SLIT2: variants seen among roughly 807,000 people sequenced by gnomAD.
SLIT2 encodes the protein slit guidance ligand 2.
In SLIT2, 41 loss-of-function variants were observed where a neutral mutation model predicts 185.7. That is an observed-to-expected ratio of 0.22 (90% CI 0.17 to 0.29). SLIT2 has a LOEUF of 0.29. Ranked by LOEUF, SLIT2 falls within the 10% of genes least tolerant of loss-of-function variation. The probability of loss-of-function intolerance (pLI) is 1.00; values close to 1 mark genes in which losing one functional copy is unlikely to be tolerated. For missense variants in SLIT2, 1,571 were observed against 1,909.0 expected, an observed-to-expected ratio of 0.82 and a Z score of 3.30; for synonymous variants, 693 against 680.2, an observed-to-expected ratio of 1.02 and a Z score of -0.29.
chr4:20,280,451 TG>T (rs1428878447), intron 4 of SLIT2, among the ~76,000 whole-genome samples: 1 of 152,140 alleles, frequency 6.6e-6, no homozygotes, highest in African/African-American at 2.4e-5. Context: ...GGCTTTTTTT[TG>T]AGGATCAGTT....
chr4:20,573,260 G>C (rs1315378397), intron 29 of SLIT2: 1 of 702,870 alleles, frequency 1.4e-6, no homozygotes, highest in South Asian at 1.5e-5. Flanking sequence ...GGTGGAAAAA[G>C]GTTAGTTGCC....
chr4:20,258,605 T>G (rs1369645091), intron 3 of SLIT2, among the ~76,000 whole-genome samples: 1 of 151,736 alleles, frequency 6.6e-6, no homozygotes, highest in Non-Finnish European at 1.5e-5. Flanking sequence ...TTAAGATACG[T>G]TTTTTACATA....
intron 22 of SLIT2, among the ~76,000 whole-genome samples, chr4:20,547,820 A>G (rs1337111643): frequency 1.3e-5 from 2 of 151,948 alleles, no homozygotes; most frequent in African/African-American, 4.8e-5. Context: ...TACAAACTAT[A>G]CATATAAGTA....
At chr4:20,466,787 G>A (rs1714403649) in intron 4 of SLIT2, among the ~76,000 whole-genome samples, 1 of 152,056 alleles carries the variant, frequency 6.6e-6, no homozygotes, top group Admixed American at 6.6e-5. Flanking sequence ...TTCTTTGTGA[G>A]CATCAGTTAT....
At position 20,322,554 on chromosome 4, in the gene SLIT2, GCTT is replaced by G. The variant is rs371833887; in HGVS notation, c.395+53677_395+53679del. ...TCATAATTTTGAGTTTTTTTCTTTT[GCTT>G]CTTTAGTCCAGCCATTTTTTCAAGT... is the stretch of plus-strand genomic sequence containing the variant. On this transcript the variant is annotated intron_variant, in intron 4 of 36. Coordinates refer to ENST00000504154, the MANE Select transcript of SLIT2 (RefSeq NM_004787.4). Among the ~76,000 whole-genome samples the G allele has an allele frequency of 3.1e-4, 47 of 151,732 alleles. No homozygotes were observed. The East Asian group carries it at 8.2e-3, about 26-fold the overall frequency.
chr4:20,294,011 G>T (rs75930227), intron 4 of SLIT2, among the ~76,000 whole-genome samples: 9,305 of 151,808 alleles, frequency 0.061, 570 homozygotes, highest in African/African-American at 0.16. Context: ...AACTGTATAT[G>T]ATGCTTCTCA....
intron 4 of SLIT2, among the ~76,000 whole-genome samples, chr4:20,457,925 G>A (rs1234869539): frequency 2.0e-5 from 3 of 152,094 alleles, no homozygotes; most frequent in East Asian, 3.9e-4. Flanking sequence ...ACACAACAGT[G>A]CTTGGTATTA....
rs554329728 is a variant in SLIT2, at chr4:20,528,258, G to A, written c.1463-691G>A. On this transcript the variant is annotated intron_variant, in intron 15 of 36. Coordinates refer to ENST00000504154, the MANE Select transcript of SLIT2 (RefSeq NM_004787.4). The surrounding 1 kb of genome is among the most constrained non-coding windows in gnomAD (Gnocchi z 4.2). The stretch of plus-strand genomic sequence containing the variant: ...CATTTTCCTCTTGGTCTTACCTTTG[G>A]CCTAGTGGTTGGTGTAGTGATAATG... The A allele has an allele frequency of 3.2e-5, 17 of 534,366 alleles. No individual in the cohort carries two copies. The East Asian group carries it at 9.3e-4, about 29-fold the overall frequency. The allele number at this position is 534,366 out of a possible 1,614,324, so 33.1% of individuals were successfully genotyped here.
At chr4:20,423,287 G>A (rs1197700273) in intron 4 of SLIT2, among the ~76,000 whole-genome samples, 1 of 151,876 alleles carries the variant, frequency 6.6e-6, no homozygotes, top group Non-Finnish European at 1.5e-5. Flanking sequence ...AGGAGACTTA[G>A]GACAATGGAA....
At chr4:20,315,976 G>C (rs1409330520) in intron 4 of SLIT2, among the ~76,000 whole-genome samples, 1 of 151,870 alleles carries the variant, frequency 6.6e-6, no homozygotes, top group Non-Finnish European at 1.5e-5. Context: ...TTACTTTGCA[G>C]TTTTATTTTC....
chr4:20,388,140 T>TA (rs1466813628), intron 4 of SLIT2, among the ~76,000 whole-genome samples: 1 of 152,026 alleles, frequency 6.6e-6, no homozygotes, highest in African/African-American at 2.4e-5. Context: ...TATTTGCTGG[T>TA]AAAAAATGCA....
At chr4:20,328,983 A>G (rs1182283695) in intron 4 of SLIT2, among the ~76,000 whole-genome samples, 2 of 152,192 alleles carry the variant, frequency 1.3e-5, no homozygotes, top group South Asian at 2.1e-4. Flanking sequence ...AGAGATATTA[A>G]TTCATGGTGA....
chr4:20,510,610 T>C (rs1190298647), intron 10 of SLIT2, 44 bp downstream of exon 10: 2 of 1,266,642 alleles, frequency 1.6e-6, no homozygotes, highest in Non-Finnish European at 2.3e-6. Context: ...TTAAAAATTA[T>C]AGAGGTCATG....
intron 4 of SLIT2, among the ~76,000 whole-genome samples, chr4:20,395,493 A>T (rs2109381628): frequency 6.6e-6 from 1 of 152,158 alleles, no homozygotes; most frequent in East Asian, 1.9e-4. Context: ...GAGGTATATG[A>T]TGTGATATAA....
chr4:20,456,218 A>G (rs2148721731), intron 4 of SLIT2, among the ~76,000 whole-genome samples: 1 of 152,192 alleles, frequency 6.6e-6, no homozygotes, highest in African/African-American at 2.4e-5. Flanking sequence ...TTATTAACTG[A>G]AAACTTCTTA....
chr4:20,494,676 G>A (rs1718070259), intron 9 of SLIT2, among the ~76,000 whole-genome samples: 1 of 151,920 alleles, frequency 6.6e-6, no homozygotes, highest in Non-Finnish European at 1.5e-5. Context: ...CTACTCGGGA[G>A]GCTGAGGCAG....
intron 4 of SLIT2, among the ~76,000 whole-genome samples, chr4:20,424,758 C>G (rs1485364584): frequency 6.6e-6 from 1 of 152,080 alleles, no homozygotes; most frequent in Non-Finnish European, 1.5e-5. Flanking sequence ...AGAGGCCCCC[C>G]TGCTTTCAGA....
chr4:20,379,989 G>T (rs1321427547), intron 4 of SLIT2, among the ~76,000 whole-genome samples: 1 of 152,126 alleles, frequency 6.6e-6, no homozygotes, highest in South Asian at 2.1e-4. Flanking sequence ...CTGCAGAGGG[G>T]TTCAGTCAAG....
chr4:20,314,054 T>G (rs1203152411), intron 4 of SLIT2, among the ~76,000 whole-genome samples: 1 of 152,186 alleles, frequency 6.6e-6, no homozygotes, highest in African/African-American at 2.4e-5. Context: ...GCAATTAAAT[T>G]TGTACATTAG....
Sources: allele counts gnomAD v4.1 joint callset (sites outside exome capture counted in the v4.1 genomes callset), GRCh38; gene constraint gnomAD v4.1.1; non-coding constraint Gnocchi (gnomAD v3.1); transcripts MANE v1.5; gene names NCBI Gene and HGNC (gene_info 2026-07-23, HGNC 2026-07-21).